Variants in TRAK1 observed in about 807,000 individuals in gnomAD.
TRAK1 encodes trafficking kinesin-binding protein 1.
A neutral mutation model predicts 92.1 loss-of-function variants in TRAK1; 33 were observed. The observed-to-expected ratio is 0.36, with a 90% confidence interval of 0.27 to 0.48. The LOEUF is 0.48. TRAK1 is among the 20% of genes least tolerant of loss of function. TRAK1 has a pLI of 0.99. For synonymous variants in TRAK1, 521 were observed against 517.3 expected (o/e 1.01, Z -0.10); for missense variants, 1,123 against 1,257.9 (o/e 0.89, Z 1.62).
intron 1 of TRAK1, among the ~76,000 whole-genome samples, chr3:42,052,154 A>G (rs1703009016): frequency 6.6e-6 from 1 of 152,268 alleles, no homozygotes; most frequent in Admixed American, 6.5e-5. Flanking sequence ...GGGACATGGC[A>G]TCAGCCCTGT....
chr3:42,187,655 C>T (rs1427599875), intron 4 of TRAK1, among the ~76,000 whole-genome samples: 2 of 151,904 alleles, frequency 1.3e-5, no homozygotes, highest in African/African-American at 2.4e-5. Flanking sequence ...TTAGTAGAGA[C>T]GGGGTTTCAC....
chr3:42,220,605 C>A (rs1166217808), intron 15 of TRAK1: 3 of 985,198 alleles, frequency 3.0e-6, no homozygotes, highest in African/African-American at 3.5e-5. Flanking sequence ...AGCACACCGC[C>A]AGCAGTGCCT....
chr3:42,177,623 G>T (rs1163087758), intron 3 of TRAK1, among the ~76,000 whole-genome samples: 1 of 152,176 alleles, frequency 6.6e-6, no homozygotes. Context: ...TGATTTTGGG[G>T]CGTGTGACTA....
rs1199302190 is a variant in TRAK1, at chr3:42,091,512, C to T, written c.43C>T (p.Pro15Ser). 6.2e-7 allele frequency: 1 copy of T among 1,613,602 alleles called. No homozygotes were observed. The highest frequency in any genetic ancestry group is 8.5e-7 in the Non-Finnish European group (1 of 1,179,864). ...ATTCGGGCAGCCCGTCAGGGCTCAG[C>T]CTCTGCCAGGACTCTGCCACGGCAA... The part of the protein sequence containing the change: ...FQFGQPVRAQ[P>S]LPGLCHGKLI... Residue 15 changes from proline (P) to serine (S), a missense_variant, in exon 1 of 16, where the codon CCT becomes TCT. Pro to Ser is a moderately conservative substitution (Grantham distance 74). Coordinates refer to ENST00000327628, the MANE Select transcript of TRAK1 (RefSeq NM_001042646.3).
intron 1 of TRAK1, among the ~76,000 whole-genome samples, chr3:42,123,987 A>C (rs535661239): frequency 6.6e-6 from 1 of 152,164 alleles, no homozygotes; most frequent in African/African-American, 2.4e-5. Context: ...CAAAAAATAA[A>C]ATTAGCTGGG....
intron 15 of TRAK1, among the ~76,000 whole-genome samples, chr3:42,219,907 C>G (rs917820450): frequency 3.5e-5 from 5 of 141,784 alleles, no homozygotes; most frequent in Non-Finnish European, 7.5e-5. Context: ...GCCCATCTTT[C>G]CTTTTGAGTT....
At chr3:42,193,355 A>G in intron 8 of TRAK1, 150 bp downstream of exon 8, 1 of 1,076,156 alleles carries the variant, frequency 9.3e-7, no homozygotes, top group Non-Finnish European at 1.3e-6. Context: ...ACTCAGTAGT[A>G]TAAAACTGAT....
At position 42,053,587 on chromosome 3, in the gene TRAK1, C is replaced by A. The variant is rs117895061; in HGVS notation, c.-518-33517C>A. 2.7e-3 allele frequency among the ~76,000 whole-genome samples: 416 copies of A among 152,048 alleles called. 7 individuals carry two copies. The East Asian group carries it at 0.03, about 11-fold the overall frequency. Reference sequence around the variant, plus strand: ...TTATGGAAGCCACTGCCTCCTCACCCCGCCCCCAGGATCTAGGCCCAGAGG... The same window carrying A: ...TTATGGAAGCCACTGCCTCCTCACCACGCCCCCAGGATCTAGGCCCAGAGG... On this transcript the variant is annotated intron_variant, in intron 1 of 16. Transcript: ENST00000487159.
intron 1 of TRAK1, among the ~76,000 whole-genome samples, chr3:42,064,138 A>G (rs986146134): frequency 1.3e-5 from 2 of 152,142 alleles, no homozygotes; most frequent in African/African-American, 4.8e-5. Flanking sequence ...TGCCTTCTGT[A>G]TTGGGTGGTA....
chr3:42,153,254 A>G (rs1194798757), intron 2 of TRAK1, among the ~76,000 whole-genome samples: 1 of 152,094 alleles, frequency 6.6e-6, no homozygotes, highest in East Asian at 1.9e-4. Context: ...AAATAAAAAC[A>G]TTAGCTGAAT....
At chr3:42,203,203 T>TG in intron 13 of TRAK1, 3 of 1,118,602 alleles carry the variant, frequency 2.7e-6, no homozygotes, top group Non-Finnish European at 3.3e-6. Flanking sequence ...AAATGGGGAT[T>TG]TTTTTTTCCC....
chr3:42,213,324 T>C (rs1188498570), intron 14 of TRAK1, among the ~76,000 whole-genome samples: 2 of 152,190 alleles, frequency 1.3e-5, no homozygotes, highest in Non-Finnish European at 1.5e-5. Context: ...CCCAAAGTGC[T>C]GGGATTCCTG....
At chr3:42,186,458 T>A (rs1704871418) in intron 4 of TRAK1, among the ~76,000 whole-genome samples, 1 of 152,254 alleles carries the variant, frequency 6.6e-6, no homozygotes, top group Non-Finnish European at 1.5e-5. Flanking sequence ...AGAAAAGTTT[T>A]AATCCTGGGC....
intron 11 of TRAK1, among the ~76,000 whole-genome samples, chr3:42,199,824 A>T (rs985239927): frequency 1.3e-5 from 2 of 152,370 alleles, no homozygotes; most frequent in Non-Finnish European, 2.9e-5. Flanking sequence ...AAAGTCCTAG[A>T]AAAGGAGAGA....
chr3:42,026,177 A>G (rs17219347), intron 1 of TRAK1, among the ~76,000 whole-genome samples: 11,193 of 152,174 alleles, frequency 0.074, 484 homozygotes, highest in Middle Eastern at 0.21. Context: ...TTGTGAAACT[A>G]GAAGAGGACT....
rs578253509 is a variant in TRAK1 at position 42,152,307 on chromosome 3, C to T, written c.287-24507C>T. On this transcript the variant is annotated intron_variant, in intron 2 of 15. Coordinates refer to ENST00000327628, the MANE Select transcript of TRAK1 (RefSeq NM_001042646.3). ...ACCCAGTGTCTTCAAGTAACTTTTA[C>T]GAGAGATTTGAAATAGCCAGCGATC... Among the ~76,000 whole-genome samples, 21 of 152,236 alleles carry T rather than the reference C, an allele frequency of 1.4e-4. No individual in the cohort carries two copies. In the South Asian group the frequency reaches 2.3e-3, roughly 17 times the overall value.
chr3:42,138,874 GGGGTGTGTGTGTGTGTGTGTGT>G (rs1165125394), intron 2 of TRAK1, among the ~76,000 whole-genome samples: 4 of 50,994 alleles, frequency 7.8e-5, no homozygotes, highest in East Asian at 6.4e-4. Flanking sequence ...GAAAGCATAG[GGGGTGTGTGTGTGTGTGTGTGT>G]GTGTGTGTGT....
Position 42,123,835 on chromosome 3 carries a change from T to C in TRAK1, c.92-1585T>C, listed in dbSNP as rs192288718. Among the ~76,000 whole-genome samples the C allele has an allele frequency of 2.7e-3, 404 of 152,298 alleles. 4 individuals carry two copies. The highest frequency in any genetic ancestry group is 2.5e-3 in the Non-Finnish European group (173 of 68,026). ...CTACTTCAAAGCGAGAACTTGGTAC[T>C]GTGACTTTGATAAGAATTGACTTCA... is the stretch of plus-strand genomic sequence containing the variant. On this transcript the variant is annotated intron_variant, in intron 1 of 15. Coordinates refer to ENST00000327628, the MANE Select transcript of TRAK1 (RefSeq NM_001042646.3).
chr3:42,198,954 C>T (rs565030525), intron 10 of TRAK1, among the ~76,000 whole-genome samples: 1 of 152,264 alleles, frequency 6.6e-6, no homozygotes, highest in Non-Finnish European at 1.5e-5. Context: ...AGCAGCTTTA[C>T]ACTCAGTGCC....
Sources: gnomAD v4.1 joint callset for allele counts (sites outside exome capture counted in the v4.1 genomes callset) on GRCh38, gnomAD v4.1.1 for gene constraint, MANE v1.5 for transcripts, NCBI Gene and HGNC (gene_info 2026-07-23, HGNC 2026-07-21) for gene names.